Variants in CTNND2 observed in about 807,000 individuals in gnomAD.
The protein encoded by CTNND2 is catenin delta 2.
A neutral mutation model predicts 144.4 loss-of-function variants in CTNND2; 22 were observed. The observed-to-expected ratio is 0.15, with a 90% confidence interval of 0.11 to 0.22. The LOEUF (loss-of-function observed/expected upper bound fraction) is 0.22. CTNND2 is among the 10% of genes least tolerant of loss of function. The pLI, the probability that CTNND2 is intolerant of heterozygous loss-of-function variation, is 1.00. For synonymous variants in CTNND2, 751 were observed against 695.6 expected, an observed-to-expected ratio of 1.08 and a Z score of -1.25; for missense variants, 1,353 against 1,618.8, an observed-to-expected ratio of 0.84 and a Z score of 2.82.
At chr5:11,016,792 A>T (rs746923415) in intron 18 of CTNND2, among the ~76,000 whole-genome samples, 20 of 150,754 alleles carry the variant, frequency 1.3e-4, no homozygotes, top group African/African-American at 4.4e-4. Context: ...TTTTTTTGAG[A>T]TGGAGTCTCG....
chr5:11,140,828 AC>A (rs562319696), intron 12 of CTNND2, among the ~76,000 whole-genome samples: 51 of 152,394 alleles, frequency 3.3e-4, no homozygotes, highest in African/African-American at 1.1e-3. Context: ...TATTAAAAAA[AC>A]AATTTATATA....
chr5:11,733,208 T>A (rs1787491929), intron 1 of CTNND2, among the ~76,000 whole-genome samples: 1 of 152,164 alleles, frequency 6.6e-6, no homozygotes, highest in Non-Finnish European at 1.5e-5. Flanking sequence ...AGCCTGTTGG[T>A]CAGAAGTTCT....
Position 11,903,072 on chromosome 5 carries a change from G to T in CTNND2, c.37+745C>A. The T allele has an allele frequency of 2.1e-6, 1 of 471,910 alleles. No individual in the cohort carries two copies. The highest frequency in any genetic ancestry group is 2.8e-6 in the Non-Finnish European group (1 of 360,784). The allele number at this position is 471,910 out of a possible 1,614,324, so 29.2% of individuals were successfully genotyped here. On this transcript the variant is annotated intron_variant, in intron 1 of 21. Transcript: ENST00000304623. The surrounding 1 kb of genome is among the most constrained non-coding windows in gnomAD (Gnocchi z 5.4). The stretch of plus-strand genomic sequence containing the variant: ...TACACACCAGAATAAGATGAGGGTC[G>T]GGAAAAAAAGAAAAAAGCAGCTTCG...
intron 2 of CTNND2, among the ~76,000 whole-genome samples, chr5:11,661,702 CA>C (rs1223163889): frequency 1.3e-5 from 2 of 152,098 alleles, no homozygotes; most frequent in African/African-American, 2.4e-5. Flanking sequence ...AAGAAATAAG[CA>C]ATCATCATAC....
At chr5:11,888,143 T>C (rs755690677) in intron 1 of CTNND2, among the ~76,000 whole-genome samples, 2 of 152,216 alleles carry the variant, frequency 1.3e-5, no homozygotes, top group Non-Finnish European at 2.9e-5. Context: ...TCATTTAGAA[T>C]AATCATATGA....
intron 12 of CTNND2, among the ~76,000 whole-genome samples, chr5:11,118,483 G>A (rs919851942): frequency 4.6e-5 from 7 of 152,246 alleles, no homozygotes; most frequent in South Asian, 2.1e-4. Flanking sequence ...TGGGAGCATC[G>A]GAATCCTCTG....
At chr5:11,721,528 G>T (rs1461410785) in intron 2 of CTNND2, among the ~76,000 whole-genome samples, 1 of 152,214 alleles carries the variant, frequency 6.6e-6, no homozygotes, top group Non-Finnish European at 1.5e-5. Flanking sequence ...TTACTGACTT[G>T]AAATTACAAC....
intron 1 of CTNND2, among the ~76,000 whole-genome samples, chr5:11,823,022 C>T (rs528436501): frequency 9.9e-4 from 151 of 152,232 alleles, no homozygotes; most frequent in Non-Finnish European, 1.4e-3. Flanking sequence ...TATTCAATTG[C>T]CTGTTAAAAT....
chr5:11,031,843 G>A (rs1743509138), intron 16 of CTNND2, among the ~76,000 whole-genome samples: 1 of 152,206 alleles, frequency 6.6e-6, no homozygotes, highest in Non-Finnish European at 1.5e-5. Flanking sequence ...TGGACTCTTG[G>A]ACTTACACCA....
intron 1 of CTNND2, among the ~76,000 whole-genome samples, chr5:11,820,246 A>G (rs1793238371): frequency 6.6e-6 from 1 of 152,180 alleles, no homozygotes; most frequent in African/African-American, 2.4e-5. Context: ...CCTGCCATTT[A>G]TGTATCTGTC....
At chr5:11,208,235 T>G (rs1738256586) in intron 10 of CTNND2, among the ~76,000 whole-genome samples, 1 of 152,168 alleles carries the variant, frequency 6.6e-6, no homozygotes, top group Non-Finnish European at 1.5e-5. Flanking sequence ...GTAAATGGAC[T>G]ACCACATTCC....
chr5:11,849,333 G>A (rs1794904944), intron 1 of CTNND2, among the ~76,000 whole-genome samples: 1 of 152,138 alleles, frequency 6.6e-6, no homozygotes, highest in Admixed American at 6.5e-5. Context: ...AATTATGGGA[G>A]CTACAATTCA....
intron 16 of CTNND2, among the ~76,000 whole-genome samples, chr5:11,044,356 G>T (rs1190909521): frequency 6.6e-6 from 1 of 152,124 alleles, no homozygotes; most frequent in African/African-American, 2.4e-5. Flanking sequence ...TTATTACACA[G>T]TGACTATGGT....
At position 11,172,704 on chromosome 5, in the gene CTNND2, T is replaced by C. The variant is rs147395864; in HGVS notation, c.1976-12945A>G. ...GCCAATGGGGAGGAAATAACAAAGG[T>C]TGACGTTAAGAGAAGATGCAGCGTG... is the stretch of plus-strand genomic sequence containing the variant. On this transcript the variant is annotated intron_variant, in intron 11 of 21. Transcript: ENST00000304623. 8.4e-3 allele frequency among the ~76,000 whole-genome samples: 1,274 copies of C among 152,160 alleles called. 9 individuals are homozygous for C. Among genetic ancestry groups the C allele is most frequent in the Non-Finnish European group, 0.013 (864 of 67,982 alleles).
chr5:11,818,180 G>A (rs1793117539), intron 1 of CTNND2, among the ~76,000 whole-genome samples: 1 of 151,918 alleles, frequency 6.6e-6, no homozygotes, highest in Non-Finnish European at 1.5e-5. Flanking sequence ...TGGAAAAAAG[G>A]ACATTTATTG....
chr5:11,243,384 T>C (rs943190562), intron 9 of CTNND2, among the ~76,000 whole-genome samples: 1 of 152,172 alleles, frequency 6.6e-6, no homozygotes, highest in African/African-American at 2.4e-5. Flanking sequence ...GAGATAAAAA[T>C]TCCTACCTGG....
intron 2 of CTNND2, among the ~76,000 whole-genome samples, chr5:11,569,279 C>A (rs1024683226): frequency 6.6e-6 from 1 of 152,074 alleles, no homozygotes; most frequent in African/African-American, 2.4e-5. Context: ...TAAATCTCCC[C>A]ACTATGTGGA....
chr5:11,105,214 A>C (rs1281921217), intron 14 of CTNND2, among the ~76,000 whole-genome samples: 1 of 152,236 alleles, frequency 6.6e-6, no homozygotes, highest in Non-Finnish European at 1.5e-5. Context: ...CGTCCCTGTT[A>C]CTGCCTTCTA....
chr5:11,782,308 A>C lies in CTNND2; in HGVS notation c.38-50036T>G, dbSNP rs550896173. 2.6e-4 allele frequency among the ~76,000 whole-genome samples: 40 copies of C among 152,316 alleles called. No homozygotes were observed. In the South Asian group the frequency reaches 3.1e-3, roughly 12 times the overall value. On this transcript the variant is annotated intron_variant, in intron 1 of 21. Coordinates refer to ENST00000304623, the MANE Select transcript of CTNND2 (RefSeq NM_001332.4). ...AGACACGATGCAATTGGGCTCATGC[A>C]AATGTTTGAAAACCAGTGCTCTACT...
Sources: gnomAD v4.1 joint callset for allele counts (sites outside exome capture counted in the v4.1 genomes callset) on GRCh38, gnomAD v4.1.1 for gene constraint, Gnocchi (gnomAD v3.1) non-coding constraint, MANE v1.5 for transcripts, NCBI Gene and HGNC (gene_info 2026-07-23, HGNC 2026-07-21) for gene names.